The following USP9X variants were observed in gnomAD, a reference collection of about 807,000 sequenced individuals.
The protein encoded by USP9X is ubiquitin specific peptidase 9 X-linked, also known as ubiquitin carboxyl-terminal hydrolase 9X.
USP9X carries 7 observed loss-of-function variants against 190.3 expected under a neutral mutation model. That is an observed-to-expected ratio of 0.04 (90% CI 0.02 to 0.07). The LOEUF (loss-of-function observed/expected upper bound fraction) is 0.07. USP9X is among the 10% of genes least tolerant of loss of function. The pLI is 1.00. For synonymous variants in USP9X, 645 were observed against 659.5 expected, an observed-to-expected ratio of 0.98 and a Z score of 0.34; for missense variants, 1,010 against 1,916.9, an observed-to-expected ratio of 0.53 and a Z score of 8.83.
At chrX:41,196,185 A>G in intron 26 of USP9X, 66 bp from the exon 27 acceptor site, 1 of 1,155,135 alleles carries the variant, frequency 8.7e-7, no homozygotes, top group Admixed American at 2.2e-5. Flanking sequence ...CCCAAGAGGG[A>G]ACAATGTTAC....
At chrX:41,191,201 C>T (rs996592260) in intron 26 of USP9X, among the ~76,000 whole-genome samples, 1 of 108,929 alleles carries the variant, frequency 9.2e-6, no homozygotes, top group Non-Finnish European at 1.9e-5. Flanking sequence ...TTGTGGTGGG[C>T]GCCTGTAATC....
At chrX:41,208,987 C>T (rs1464136413) in intron 32 of USP9X, among the ~76,000 whole-genome samples, 1 of 111,513 alleles carries the variant, frequency 9.0e-6, no homozygotes, top group Non-Finnish European at 1.9e-5. Flanking sequence ...GGATTACAGG[C>T]GTGAGCCACC....
At position 41,236,543 on chromosome X, in the gene USP9X, T is replaced by A. The variant is rs1221401482; in HGVS notation, c.*4019T>A. ...GAAGATTGTTCACAGTTCCTAAGAT[T>A]TAGCACATATACAAAAATAAAACTT... is the stretch of plus-strand genomic sequence containing the variant. On this transcript the variant is annotated 3_prime_UTR_variant, in exon 45 of 45. Transcript: ENST00000378308. 1 of 112,565 alleles carries A rather than the reference T, an allele frequency of 8.9e-6. No individual in the cohort carries two copies. The highest frequency in any genetic ancestry group is 1.9e-5 in the Non-Finnish European group (1 of 53,255). 9.3% of individuals were successfully genotyped at this position (112,565 alleles called of 1,213,427 possible).
chrX:41,088,008 GT>G (rs967356040), intron 1 of USP9X, among the ~76,000 whole-genome samples: 78 of 111,953 alleles, frequency 7.0e-4, no homozygotes, highest in African/African-American at 2.4e-3. Flanking sequence ...TTGTTTGTTT[GT>G]TTTTTTGTCT....
At chrX:41,112,017 G>A (rs1401877010) in intron 1 of USP9X, among the ~76,000 whole-genome samples, 1 of 110,581 alleles carries the variant, frequency 9.0e-6, no homozygotes, top group Non-Finnish European at 1.9e-5. Flanking sequence ...GGCTAATTTT[G>A]TATTTTTAGT....
chrX:41,197,356 T>G lies in USP9X; in HGVS notation c.4234-8T>G. 1 of 157,411 alleles carries G rather than the reference T, an allele frequency of 6.4e-6. No homozygotes were observed. The allele number at this position is 157,411 out of a possible 1,213,427, so 13.0% of individuals were successfully genotyped here. A position where few individuals can be genotyped will look rare whatever the true frequency, so the allele number is the denominator to read the frequency against. On this transcript the variant is annotated splice_region_variant and splice_polypyrimidine_tract_variant and intron_variant, in intron 28 of 44. Coordinates refer to ENST00000378308, the MANE Select transcript of USP9X (RefSeq NM_001039591.3). Reference sequence around the variant, plus strand: ...TCCCCCCCCCACCCCACCCCCCGCCTTTGGCAGGATGATGTTAAAAGAACA... The same window carrying G: ...TCCCCCCCCCACCCCACCCCCCGCCGTTGGCAGGATGATGTTAAAAGAACA...
chrX:41,148,258 C>A, intron 11 of USP9X, 111 bp from the exon 12 acceptor site: 1 of 758,772 alleles, frequency 1.3e-6, no homozygotes, highest in Admixed American at 2.8e-5. Flanking sequence ...TTGAATCATT[C>A]TGTGCTTAGC....
At chrX:41,095,454 C>G (rs1417088913) in intron 1 of USP9X, among the ~76,000 whole-genome samples, 1 of 112,255 alleles carries the variant, frequency 8.9e-6, no homozygotes, top group Non-Finnish European at 1.9e-5. Context: ...CCACAAGATG[C>G]CAGTGGTATA....
At chrX:41,138,436 C>T (rs2062395155) in intron 6 of USP9X, among the ~76,000 whole-genome samples, 1 of 112,301 alleles carries the variant, frequency 8.9e-6, no homozygotes, top group Non-Finnish European at 1.9e-5. Flanking sequence ...CTTTCGGATA[C>T]TGTTTGTAAT....
At chrX:41,157,596 C>T (rs1275470341) in intron 14 of USP9X, among the ~76,000 whole-genome samples, 1 of 111,281 alleles carries the variant, frequency 9.0e-6, no homozygotes, top group African/African-American at 3.3e-5. Flanking sequence ...CCTTATTTCC[C>T]ATAGTCATAT....
intron 1 of USP9X, among the ~76,000 whole-genome samples, chrX:41,110,392 A>G (rs1056570418): frequency 1.8e-5 from 2 of 112,450 alleles, no homozygotes; most frequent in African/African-American, 6.5e-5. Context: ...TTCTGCATCA[A>G]AAACTAAACA....
chrX:41,124,372 A>T (rs1428650982), intron 2 of USP9X, among the ~76,000 whole-genome samples: 1 of 110,528 alleles, frequency 9.0e-6, no homozygotes, highest in African/African-American at 3.3e-5. Context: ...TTGAACCGGG[A>T]GGCAGAGGTT....
chrX:41,230,566 C>T lies in USP9X; in HGVS notation c.7497C>T (p.Tyr2499=). Residue 2499 remains tyrosine (Y), a synonymous_variant, in exon 44 of 45, where the codon TAC becomes TAT. Transcript: ENST00000378308. The part of the protein sequence containing the change: ...ESPPPEDAPL[Y]PHSPGSQYQQ... Reference sequence around the variant, plus strand: ...CTCCACCTGAAGATGCCCCATTGTACCCCCATTCACCTGGATCTCAGTATC... The same window carrying T: ...CTCCACCTGAAGATGCCCCATTGTATCCCCATTCACCTGGATCTCAGTATC... 2 of 1,210,004 alleles carry T rather than the reference C, an allele frequency of 1.7e-6. No individual in the cohort carries two copies. Among genetic ancestry groups the T allele is most frequent in the South Asian group, 1.8e-5 (1 of 56,815 alleles).
At chrX:41,199,079 G>A (rs1018137781) in intron 30 of USP9X, among the ~76,000 whole-genome samples, 3 of 110,862 alleles carry the variant, frequency 2.7e-5, no homozygotes, top group Non-Finnish European at 3.8e-5. Context: ...AGCTACTCAG[G>A]AGGCTGAGAC....
intron 5 of USP9X, among the ~76,000 whole-genome samples, chrX:41,136,094 G>A (rs1048750096): frequency 8.9e-6 from 1 of 112,361 alleles, no homozygotes; most frequent in Admixed American, 9.4e-5. Flanking sequence ...TGGAAGTGGC[G>A]TCAGACTTCT....
chrX:41,088,977 C>CA (rs112557034), intron 1 of USP9X, among the ~76,000 whole-genome samples: 21,253 of 110,696 alleles, frequency 0.19, 1,598 homozygotes, highest in Admixed American at 0.26. Context: ...ACAACCACAA[C>CA]AAAAAAACTG....
intron 1 of USP9X, among the ~76,000 whole-genome samples, chrX:41,120,790 G>A (rs936989409): frequency 1.8e-5 from 2 of 108,701 alleles, no homozygotes; most frequent in African/African-American, 3.4e-5. Context: ...GAGCTACCGC[G>A]CCCAGCCAAC....
At position 41,136,749 on chromosome X, in the gene USP9X, G is replaced by C. The variant is rs2062376864; in HGVS notation, c.436-55G>C. ...ACGATTAATATTGGAAGATATTTCT[G>C]TTTGAAATTGCAGTGTTTTGATCTT... On this transcript the variant is annotated intron_variant, in intron 5 of 44. Coordinates refer to ENST00000378308, the MANE Select transcript of USP9X (RefSeq NM_001039591.3). 3 of 873,793 alleles carry C rather than the reference G, an allele frequency of 3.4e-6. No homozygotes were observed. In the South Asian group the frequency reaches 6.6e-5, roughly 19 times the overall value. 72.0% of individuals were successfully genotyped at this position (873,793 alleles called of 1,213,427 possible). A position where few individuals can be genotyped will look rare whatever the true frequency, so the allele number is the denominator to read the frequency against.
chrX:41,204,667 CT>C (rs769110556), intron 31 of USP9X, among the ~76,000 whole-genome samples: 32 of 111,370 alleles, frequency 2.9e-4, no homozygotes, highest in Non-Finnish European at 5.5e-4. Flanking sequence ...TTTACTGTAC[CT>C]TTTCTATTTT....
Sources: gnomAD v4.1 joint callset for allele counts (sites outside exome capture counted in the v4.1 genomes callset) on GRCh38, gnomAD v4.1.1 for gene constraint, MANE v1.5 for transcripts, NCBI Gene and HGNC (gene_info 2026-07-23, HGNC 2026-07-21) for gene names.